GSDMD: variants seen among roughly 807,000 people sequenced by gnomAD.
GSDMD encodes the protein gasdermin D, also known as gasdermin-D.
GSDMD carries 46 observed loss-of-function variants against 46.7 expected under a neutral mutation model. The observed-to-expected ratio is 0.99, with a 90% CI of 0.78 to 1.26. The LOEUF is 1.26. GSDMD is among the 50% of genes most tolerant of loss of function. The probability of loss-of-function intolerance (pLI) is 0.00; values close to 1 mark genes in which losing one functional copy is unlikely to be tolerated. For synonymous variants in GSDMD, 307 were observed against 283.1 expected (o/e 1.08, Z -0.85); for missense variants, 649 against 638.8 (o/e 1.02, Z -0.17).
At chr8:143,560,853 G>A (rs1283444614) in intron 4 of GSDMD, 82 bp downstream of exon 4, 75 of 1,441,996 alleles carry the variant, frequency 5.2e-5, no homozygotes, top group Non-Finnish European at 6.4e-5. Context: ...GCTGGGCTCC[G>A]CCAAGGCCCC....
At chr8:143,561,583 G>A in intron 6 of GSDMD, 159 bp from the exon 7 acceptor site, 1 of 897,626 alleles carries the variant, frequency 1.1e-6, no homozygotes, top group Non-Finnish European at 1.7e-6. Flanking sequence ...ACACAGGACA[G>A]CTGACCCTGG....
chr8:143,560,507 T>C (rs1823426566), intron 3 of GSDMD, 96 bp from the exon 4 acceptor site: 3 of 1,366,294 alleles, frequency 2.2e-6, no homozygotes, highest in Non-Finnish European at 3.0e-6. Context: ...GGAGGGCCCC[T>C]CTGCACCACC....
upstream of GSDMD, among the ~76,000 whole-genome samples, chr8:143,554,730 G>A (rs571926831): frequency 2.9e-4 from 41 of 139,592 alleles, no homozygotes; most frequent in Admixed American, 2.6e-3. Flanking sequence ...CAACACCCAC[G>A]TGCATACACA....
At chr8:143,559,211 G>A in intron 1 of GSDMD, 121 bp from the exon 2 acceptor site, 1 of 668,710 alleles carries the variant, frequency 1.5e-6, no homozygotes, top group South Asian at 1.9e-5. Context: ...GGATGAGCTG[G>A]GCAGGGCTGT....
intron 1 of GSDMD, 74 bp downstream of exon 1, chr8:143,558,525 G>A: frequency 1.5e-6 from 2 of 1,318,898 alleles, no homozygotes; most frequent in Non-Finnish European, 2.0e-6. Context: ...CTCCCGGGTG[G>A]GGGATGCTGG....
upstream of GSDMD, among the ~76,000 whole-genome samples, chr8:143,554,777 C>T (rs1823272683): frequency 6.6e-6 from 1 of 152,170 alleles, no homozygotes; most frequent in Admixed American, 6.5e-5. Flanking sequence ...AGCCACACAA[C>T]ATGCACGTGC....
upstream of GSDMD, among the ~76,000 whole-genome samples, chr8:143,556,359 A>G (rs1823296540): frequency 6.6e-6 from 1 of 152,200 alleles, no homozygotes; most frequent in Non-Finnish European, 1.5e-5. Flanking sequence ...CATCCTGGTG[A>G]CAGAGCAAGA....
At chr8:143,558,193 G>A, upstream of GSDMD, 2 of 842,424 alleles carry the variant, frequency 2.4e-6, no homozygotes, top group Non-Finnish European at 3.5e-6. Flanking sequence ...GAAGTTTGAG[G>A]CTACCAGGAT....
At position 143,559,353 on chromosome 8, in the gene GSDMD, G is replaced by A; in HGVS notation, c.18G>A (p.Glu6=). ...TCAGGAGCATGGGGTCGGCCTTTGA[G>A]CGGGTAGTCCGGAGAGTGGTCCAGG... MGSAF[E]RVVRRVVQEL... The change falls in exon 2 of 11, where the codon GAG becomes GAA. Residue 6 remains glutamate (E), a synonymous_variant. Coordinates refer to ENST00000262580, the MANE Select transcript of GSDMD (RefSeq NM_024736.7). 1 of 1,580,976 alleles carries A rather than the reference G, an allele frequency of 6.3e-7. No individual in the cohort carries two copies. The highest frequency in any genetic ancestry group is 8.6e-7 in the Non-Finnish European group (1 of 1,159,234).
At chr8:143,560,413 C>G (rs1242835926) in intron 3 of GSDMD, 190 bp from the exon 4 acceptor site, 2 of 642,034 alleles carry the variant, frequency 3.1e-6, no homozygotes, top group East Asian at 2.7e-5. Context: ...CTTGGAGTCC[C>G]CGAGTCCACC....
rs1304644003 is a variant in GSDMD, at chr8:143,559,381, C to G, written c.46C>G (p.Leu16Val). The change falls in exon 2 of 11, where the codon CTG (leucine) becomes GTG (valine). Residue 16 changes from leucine (L) to valine (V), a missense_variant. Transcript: ENST00000262580. ...ERVVRRVVQE[L>V]DHGGEFIPVT... Reference sequence around the variant, plus strand: ...GGTAGTCCGGAGAGTGGTCCAGGAGCTGGACCATGGTGGGGAGTTCATCCC... The same window carrying G: ...GGTAGTCCGGAGAGTGGTCCAGGAGGTGGACCATGGTGGGGAGTTCATCCC... 1.1e-5 allele frequency: 18 copies of G among 1,611,724 alleles called. No homozygotes were observed. Among genetic ancestry groups the G allele is most frequent in the Non-Finnish European group, 1.5e-5 (18 of 1,179,604 alleles).
chr8:143,559,280 T>TTACC, intron 1 of GSDMD, 52 bp from the exon 2 acceptor site: 1 of 579,430 alleles, frequency 1.7e-6, no homozygotes, highest in Non-Finnish European at 3.2e-6. Context: ...CTTCTCCCAC[T>TTACC]CCCTCCCGCC....
upstream of GSDMD, chr8:143,558,282 G>T: frequency 6.8e-7 from 1 of 1,480,300 alleles, no homozygotes; most frequent in Non-Finnish European, 8.9e-7. Context: ...GGCAGGAAGG[G>T]GGCCGGGGCG....
upstream of GSDMD, among the ~76,000 whole-genome samples, chr8:143,557,424 AGGATGCTGCCGCTGTGACGAC>A (rs1209430742): frequency 3.4e-4 from 26 of 76,358 alleles, no homozygotes; most frequent in African/African-American, 6.2e-4. Context: ...GCTGTGGCGA[AGGATGCTGCCGCTGTGACGAC>A]GGATGCTGCC....
At chr8:143,558,206 G>T (rs1823353353), upstream of GSDMD, 1 of 979,414 alleles carries the variant, frequency 1.0e-6, no homozygotes, top group South Asian at 1.7e-5. Context: ...ACCAGGATGG[G>T]GCGCCAAGCC....
At chr8:143,558,328 C>T (rs1244853892), upstream of GSDMD, 3 of 1,521,322 alleles carry the variant, frequency 2.0e-6, no homozygotes, top group South Asian at 1.2e-5. Flanking sequence ...GCGTCCTGGG[C>T]GGGCCCTGCG....
chr8:143,560,137 G>A (rs1311893325), intron 3 of GSDMD, 168 bp downstream of exon 3: 3 of 740,740 alleles, frequency 4.1e-6, no homozygotes, highest in Non-Finnish European at 4.8e-6. Flanking sequence ...GCCTCCCAAA[G>A]TGCTGGGATT....
In GSDMD at chr8:143,561,836, C is replaced by A; in HGVS notation, c.823+8C>A. Reference sequence around the variant, plus strand: ...TCCACAACTTCCTGACAGGTCAGTGCCCTCCTGACCGCCCCGGGGACCTTT... The same window carrying A: ...TCCACAACTTCCTGACAGGTCAGTGACCTCCTGACCGCCCCGGGGACCTTT... On this transcript the variant is annotated splice_region_variant and intron_variant, in intron 7 of 10. Transcript: ENST00000262580. 6.2e-7 allele frequency: 1 copy of A among 1,609,280 alleles called. No homozygotes were observed. The highest frequency in any genetic ancestry group is 8.5e-7 in the Non-Finnish European group (1 of 1,177,490).
chr8:143,556,689 C>A (rs953699756), upstream of GSDMD, among the ~76,000 whole-genome samples: 1 of 147,846 alleles, frequency 6.8e-6, no homozygotes, highest in Non-Finnish European at 1.5e-5. Context: ...AACCGCGGAG[C>A]GGCTGGGAGG....
Sources: allele counts gnomAD v4.1 joint callset (sites outside exome capture counted in the v4.1 genomes callset), GRCh38; gene constraint gnomAD v4.1.1; transcripts MANE v1.5; gene names NCBI Gene and HGNC (gene_info 2026-07-23, HGNC 2026-07-21).